SYTL1: variants seen among roughly 807,000 people sequenced by gnomAD.
The protein encoded by SYTL1 is synaptotagmin-like protein 1.
Under a neutral mutation model 74.6 loss-of-function variants are expected in SYTL1, and 53 were observed. The ratio of observed to expected loss-of-function variants is 0.71; its 90% CI spans 0.57 to 0.89. The LOEUF (loss-of-function observed/expected upper bound fraction) is 0.89, where lower values mean the gene tolerates loss of function less well. Ranked by LOEUF, SYTL1 falls within the 40% of genes least tolerant of loss-of-function variation. The probability of loss-of-function intolerance (pLI) is 0.00; values close to 1 mark genes in which losing one functional copy is unlikely to be tolerated. For synonymous variants in SYTL1, 329 were observed against 324.9 expected, an observed-to-expected ratio of 1.01 and a Z score of -0.14; for missense variants, 728 against 768.7, an observed-to-expected ratio of 0.95 and a Z score of 0.63.
At position 27,347,351 on chromosome 1, in the gene SYTL1, G is replaced by A. The variant is rs1381989940; in HGVS notation, c.192-70G>A. Reference sequence around the variant, plus strand: ...GTCCCTGGCCCCTGGTCCCAAGCCTGTTAACAATGTAGGTGGCGGGAATGT... The same window carrying A: ...GTCCCTGGCCCCTGGTCCCAAGCCTATTAACAATGTAGGTGGCGGGAATGT... On this transcript the variant is annotated intron_variant, in intron 2 of 14. Coordinates refer to ENST00000616558, the MANE Select transcript of SYTL1 (RefSeq NM_001193308.2). This position sits in a 1 kb window ranked among gnomAD's most constrained non-coding sequence, Gnocchi z 4.9. 1.2e-6 allele frequency: 2 copies of A among 1,606,098 alleles called. No homozygotes were observed. The highest frequency in any genetic ancestry group is 1.1e-5 in the South Asian group (1 of 90,650).
chr1:27,353,195 T>C (rs1011012415), intron 13 of SYTL1, 88 bp from the exon 14 acceptor site: 50 of 1,331,352 alleles, frequency 3.8e-5, no homozygotes, highest in Middle Eastern at 3.7e-4. Flanking sequence ...CATGGACATA[T>C]GTGAGAGAGA....
At position 27,342,407 on chromosome 1, in the gene SYTL1, C is replaced by A; in HGVS notation, c.-39+257C>A. 1 of 892,070 alleles carries A rather than the reference C, an allele frequency of 1.1e-6. No homozygotes were observed. The allele number at this position is 892,070 out of a possible 1,614,324, so 55.3% of individuals were successfully genotyped here. On this transcript the variant is annotated intron_variant, in intron 1 of 14. Coordinates refer to ENST00000616558, the MANE Select transcript of SYTL1 (RefSeq NM_001193308.2). This position sits in a 1 kb window ranked among gnomAD's most constrained non-coding sequence, Gnocchi z 4.7. ...CTCTGGTTGGTAGGAGAGGGGACTT[C>A]AGGGAGGGGGCACTGCTGAGGACGC...
rs781403963 is a variant in SYTL1 at position 27,353,276 on chromosome 1, C to T, written c.1344-7C>T. ...GGTCACCTGATGCCAGGCCACCTCCCGCACAGCTTCGTGCTGCCTGATGAC... is the reference window on the plus strand; with the variant it reads ...GGTCACCTGATGCCAGGCCACCTCCTGCACAGCTTCGTGCTGCCTGATGAC... On this transcript the variant is annotated splice_region_variant and splice_polypyrimidine_tract_variant and intron_variant, in intron 13 of 14. Coordinates refer to ENST00000616558, the MANE Select transcript of SYTL1 (RefSeq NM_001193308.2). The T allele has an allele frequency of 2.2e-5, 35 of 1,581,248 alleles. No individual in the cohort carries two copies. Among genetic ancestry groups the T allele is most frequent in the Admixed American group, 7.2e-5 (4 of 55,678 alleles).
intron 1 of SYTL1, among the ~76,000 whole-genome samples, chr1:27,344,077 T>G (rs941973356): frequency 1.3e-5 from 2 of 152,098 alleles, no homozygotes; most frequent in East Asian, 1.9e-4. Context: ...ATTACAGGCA[T>G]GTACCACCAT....
Position 27,342,437 on chromosome 1 carries a change from C to A in SYTL1, c.-39+287C>A. On this transcript the variant is annotated intron_variant, in intron 1 of 14. Transcript: ENST00000616558. The surrounding 1 kb of genome is among the most constrained non-coding windows in gnomAD (Gnocchi z 4.7). ...AGGGGGCACTGCTGAGGACGCTGGG[C>A]TGATGCCCATGGCCCAGCTCAGGCA... is the stretch of plus-strand genomic sequence containing the variant. The A allele has an allele frequency of 1.5e-6, 1 of 645,958 alleles. No individual in the cohort carries two copies. The highest frequency in any genetic ancestry group is 1.9e-6 in the Non-Finnish European group (1 of 519,914). 40.0% of individuals were successfully genotyped at this position (645,958 alleles called of 1,614,324 possible).
In SYTL1 at chr1:27,345,158, C is replaced by T. The variant is rs2014941927; in HGVS notation, c.-38-139C>T. On this transcript the variant is annotated intron_variant, in intron 1 of 14. Coordinates refer to ENST00000616558, the MANE Select transcript of SYTL1 (RefSeq NM_001193308.2). The surrounding 1 kb of genome is among the most constrained non-coding windows in gnomAD (Gnocchi z 6.0). Reference sequence around the variant, plus strand: ...TATGCATGTGTGCATGAGTGTCTCTCACCCCACCTTGAGCTCAGCCATCCT... The same window carrying T: ...TATGCATGTGTGCATGAGTGTCTCTTACCCCACCTTGAGCTCAGCCATCCT... 4 of 527,900 alleles carry T rather than the reference C, an allele frequency of 7.6e-6. No homozygotes were observed. The East Asian group carries it at 1.3e-4, about 17-fold the overall frequency. 32.7% of individuals were successfully genotyped at this position (527,900 alleles called of 1,614,324 possible). A position where few individuals can be genotyped will look rare whatever the true frequency, so the allele number is the denominator to read the frequency against.
chr1:27,347,761 A>G lies in SYTL1; in HGVS notation c.341-47A>G. The stretch of plus-strand genomic sequence containing the variant: ...CCAGGGCCTCTCCCGAGTCACAGCC[A>G]GGCTTCCTGAGCATGGGGGCTCACA... On this transcript the variant is annotated intron_variant, in intron 3 of 14. Coordinates refer to ENST00000616558, the MANE Select transcript of SYTL1 (RefSeq NM_001193308.2). The surrounding 1 kb of genome is among the most constrained non-coding windows in gnomAD (Gnocchi z 4.9). 6.3e-7 allele frequency: 1 copy of G among 1,588,308 alleles called. No homozygotes were observed. Among genetic ancestry groups the G allele is most frequent in the South Asian group, 1.1e-5 (1 of 87,318 alleles).
rs2148028936 is a variant in SYTL1 at position 27,345,179 on chromosome 1, A to G, written c.-38-118A>G. 1 of 555,956 alleles carries G rather than the reference A, an allele frequency of 1.8e-6. No individual in the cohort carries two copies. The highest frequency in any genetic ancestry group is 3.1e-6 in the Non-Finnish European group (1 of 321,954). The allele number at this position is 555,956 out of a possible 1,614,324, so 34.4% of individuals were successfully genotyped here. A position where few individuals can be genotyped will look rare whatever the true frequency, so the allele number is the denominator to read the frequency against. On this transcript the variant is annotated intron_variant, in intron 1 of 14. Transcript: ENST00000616558. This position sits in a 1 kb window ranked among gnomAD's most constrained non-coding sequence, Gnocchi z 6.0. ...CTCTCACCCCACCTTGAGCTCAGCC[A>G]TCCTGGGGTGGCACCCTACCCATAC...
chr1:27,344,986 G>T (rs182281132), intron 1 of SYTL1: 3 of 178,886 alleles, frequency 1.7e-5, no homozygotes, highest in African/African-American at 7.1e-5. Context: ...GTGCATGTGC[G>T]ACCATATCTA....
At position 27,347,384 on chromosome 1, in the gene SYTL1, G is replaced by A. The variant is rs939906201; in HGVS notation, c.192-37G>A. ...TGTAGGTGGCGGGAATGTTGCTTGG[G>A]TGAGTCATGACAGCCACACCCTCCC... On this transcript the variant is annotated intron_variant, in intron 2 of 14. Transcript: ENST00000616558. The surrounding 1 kb of genome is among the most constrained non-coding windows in gnomAD (Gnocchi z 4.9). 5 of 1,613,532 alleles carry A rather than the reference G, an allele frequency of 3.1e-6. No individual in the cohort carries two copies. In the African/African-American group the frequency reaches 5.3e-5, roughly 17 times the overall value.
chr1:27,351,363 T>C lies in SYTL1; in HGVS notation c.1243+27T>C. 10 of 1,526,388 alleles carry C rather than the reference T, an allele frequency of 6.6e-6. No individual in the cohort carries two copies. The highest frequency in any genetic ancestry group is 8.8e-6 in the Non-Finnish European group (10 of 1,133,628). The allele number at this position is 1,526,388 out of a possible 1,614,324, so 94.6% of individuals were successfully genotyped here. A position where few individuals can be genotyped will look rare whatever the true frequency, so the allele number is the denominator to read the frequency against. On this transcript the variant is annotated intron_variant, in intron 12 of 14. Transcript: ENST00000616558. The surrounding 1 kb of genome is among the most constrained non-coding windows in gnomAD (Gnocchi z 5.0). The stretch of plus-strand genomic sequence containing the variant: ...TGAGTGACAGCCGGAGAGGCCAAGC[T>C]GGACACGCCCTGAAAAGCGGGAGAC...
chr1:27,353,231 AC>A, intron 13 of SYTL1, 51 bp from the exon 14 acceptor site: 1 of 1,522,562 alleles, frequency 6.6e-7, no homozygotes, highest in Non-Finnish European at 8.9e-7. Context: ...TGACTGGATG[AC>A]TCTAGGGAGT....
At position 27,342,818 on chromosome 1, in the gene SYTL1, C is replaced by T. The variant is rs559306155; in HGVS notation, c.-39+668C>T. On this transcript the variant is annotated intron_variant, in intron 1 of 14. Coordinates refer to ENST00000616558, the MANE Select transcript of SYTL1 (RefSeq NM_001193308.2). This position sits in a 1 kb window ranked among gnomAD's most constrained non-coding sequence, Gnocchi z 4.7. The stretch of plus-strand genomic sequence containing the variant: ...CCACACAACAGGGCACAGAGAGGGA[C>T]GTGGGCTCACACCCCAATCCACAGG... Among the ~76,000 whole-genome samples, 7 of 152,024 alleles carry T rather than the reference C, an allele frequency of 4.6e-5. No homozygotes were observed. In the East Asian group the frequency reaches 7.7e-4, roughly 17 times the overall value.
In SYTL1 at chr1:27,350,823, C is replaced by T. The variant is rs756100493; in HGVS notation, c.1035C>T (p.Gly345=). The change falls in exon 11 of 15, where the codon GGC becomes GGT. Residue 345 remains glycine, a synonymous_variant. Coordinates refer to ENST00000616558, the MANE Select transcript of SYTL1 (RefSeq NM_001193308.2). The surrounding 1 kb of genome is among the most constrained non-coding windows in gnomAD (Gnocchi z 6.3). ...CCGTCCCGCAGGCCGAGCTTCAGGGCCGCGTGCTGAGCCTGTCTGTGTGGC... is the reference window on the plus strand; with the variant it reads ...CCGTCCCGCAGGCCGAGCTTCAGGGTCGCGTGCTGAGCCTGTCTGTGTGGC... ...RYSVPQAELQ[G]RVLSLSVWHR... is the part of the protein sequence containing the mutation. The T allele has an allele frequency of 2.1e-5, 34 of 1,613,716 alleles. No individual in the cohort carries two copies. The highest frequency in any genetic ancestry group is 2.9e-5 in the Non-Finnish European group (34 of 1,180,042).
rs760535309 is a variant in SYTL1, at chr1:27,350,888, T to G, written c.1100T>G (p.Val367Gly). The G allele has an allele frequency of 5.1e-5, 83 of 1,613,600 alleles. No individual in the cohort carries two copies. The highest frequency in any genetic ancestry group is 6.6e-5 in the Non-Finnish European group (78 of 1,180,006). Residue 367 changes from valine to glycine, a missense_variant, in exon 11 of 15, where the codon GTT becomes GGT. Transcript: ENST00000616558. The surrounding 1 kb of genome is among the most constrained non-coding windows in gnomAD (Gnocchi z 6.3). ...SLGRNIFLGEVEVPLDTWDWG... is the reference protein window; with the variant it reads ...SLGRNIFLGEGEVPLDTWDWG... ...GGTCGCAACATCTTTCTGGGCGAAG[T>G]TGAAGTGCCCCTGGACACGTGGGAC...
chr1:27,349,135 C>A lies in SYTL1; in HGVS notation c.515C>A (p.Ala172Glu). The change falls in exon 6 of 15, where the codon GCG (alanine) becomes GAG (glutamate). Residue 172 changes from alanine to glutamate, a missense_variant. Transcript: ENST00000616558. ...CTAAAGGCTTCAGATCCTGAGGAGG[C>A]GTCCCAGGCCCAGGAAGGTGAGTGG... ...VPLKASDPEE[A>E]SQAQEDPGQG... The A allele has an allele frequency of 6.2e-7, 1 of 1,613,926 alleles. No individual in the cohort carries two copies. Among genetic ancestry groups the A allele is most frequent in the Middle Eastern group, 1.6e-4 (1 of 6,062 alleles).
rs2015073155 is a variant in SYTL1, at chr1:27,347,894, T to C, written c.413+14T>C. ...GCCAGAGCCCAGGTGAGGAGGAGTC[T>C]CAGGAAGGGGGAGATGGTGCCCACC... On this transcript the variant is annotated intron_variant, in intron 4 of 14. Transcript: ENST00000616558. This position sits in a 1 kb window ranked among gnomAD's most constrained non-coding sequence, Gnocchi z 4.9. The C allele has an allele frequency of 6.2e-7, 1 of 1,613,938 alleles. No individual in the cohort carries two copies. Among genetic ancestry groups the C allele is most frequent in the Admixed American group, 1.7e-5 (1 of 59,994 alleles).
In SYTL1 at chr1:27,347,728, G is replaced by A; in HGVS notation, c.341-80G>A. 1 of 1,524,030 alleles carries A rather than the reference G, an allele frequency of 6.6e-7. No homozygotes were observed. The highest frequency in any genetic ancestry group is 1.2e-5 in the South Asian group (1 of 80,454). 94.4% of individuals were successfully genotyped at this position (1,524,030 alleles called of 1,614,324 possible). On this transcript the variant is annotated intron_variant, in intron 3 of 14. Transcript: ENST00000616558. This position sits in a 1 kb window ranked among gnomAD's most constrained non-coding sequence, Gnocchi z 4.9. ...CCCCTCCGTGGGCATGGGGTGGGTGGGTATCTCCCAGGGCCTCTCCCGAGT... is the reference window on the plus strand; with the variant it reads ...CCCCTCCGTGGGCATGGGGTGGGTGAGTATCTCCCAGGGCCTCTCCCGAGT...
intron 6 of SYTL1, 106 bp downstream of exon 6, chr1:27,349,258 C>T: frequency 6.7e-7 from 1 of 1,488,584 alleles, no homozygotes; most frequent in Admixed American, 2.2e-5. Flanking sequence ...CCACTCCCAC[C>T]CCGCGTCGGA....
Sources: allele counts gnomAD v4.1 joint callset (sites outside exome capture counted in the v4.1 genomes callset), GRCh38; gene constraint gnomAD v4.1.1; non-coding constraint Gnocchi (gnomAD v3.1); transcripts MANE v1.5; gene names NCBI Gene and HGNC (gene_info 2026-07-23, HGNC 2026-07-21).